LRRC4B: variants seen among roughly 807,000 people sequenced by gnomAD.
The protein encoded by LRRC4B is leucine rich repeat containing 4B.
In LRRC4B, 1 loss-of-function variant was observed where a neutral mutation model predicts 7.3. The observed-to-expected ratio is 0.14, with a 90% CI of 0.05 to 0.65. The LOEUF is 0.65. Among genes scored for constraint, LRRC4B ranks in the 30% least tolerant of loss-of-function variants. The pLI, the probability that LRRC4B is intolerant of heterozygous loss-of-function variation, is 0.84. For missense variants in LRRC4B, 730 were observed against 1,041.6 expected, an observed-to-expected ratio of 0.70 and a Z score of 4.12; for synonymous variants, 500 against 499.2, an observed-to-expected ratio of 1.00 and a Z score of -0.02.
chr19:50,517,885 C>T lies in LRRC4B; in HGVS notation c.1828G>A (p.Gly610Arg). The T allele has an allele frequency of 6.3e-7, 1 of 1,595,908 alleles. No homozygotes were observed. The highest frequency in any genetic ancestry group is 8.5e-7 in the Non-Finnish European group (1 of 1,174,058). ...ATGATCTCCACGGTGCGCGTGGGCC[C>T]GTGGTGCTTGTGGAGCTGGTGCTGC... ...RKQHQLHKHH[G>R]PTRTVEIINV... Residue 610 changes from glycine (G) to arginine (R), a missense_variant, in exon 3 of 3, where the codon GGG becomes AGG. Coordinates refer to ENST00000652263, the MANE Select transcript of LRRC4B (RefSeq NM_001080457.2). The surrounding 1 kb of genome is among the most constrained non-coding windows in gnomAD (Gnocchi z 6.6).
At position 50,532,949 on chromosome 19, in the gene LRRC4B, CT is replaced by C. The variant is rs199719973; in HGVS notation, c.298-13535del. ...TCATGTTGACATCAATATGACAGAA[CT>C]TGGGAACGGAAAAGCATTGGTGTTC... On this transcript the variant is annotated intron_variant, in intron 2 of 2. Coordinates refer to ENST00000652263, the MANE Select transcript of LRRC4B (RefSeq NM_001080457.2). 2.4e-4 allele frequency among the ~76,000 whole-genome samples: 36 copies of C among 152,298 alleles called. No homozygotes were observed. In the East Asian group the frequency reaches 4.4e-3, roughly 19 times the overall value.
In LRRC4B at chr19:50,519,237, T is replaced by C. The variant is rs572323014; in HGVS notation, c.476A>G (p.Lys159Arg). The change falls in exon 3 of 3, where the codon AAG (lysine) becomes AGG (arginine). Residue 159 changes from lysine (K) to arginine (R), a missense_variant. This residue lies in a region of LRRC4B where 226 missense variants were observed against 448.0 expected (regional missense o/e 0.50). Transcript: ENST00000652263. This position sits in a 1 kb window ranked among gnomAD's most constrained non-coding sequence, Gnocchi z 8.1. ...GTTCCGCAGCCAGAGCTCCCGCAGC[T>C]TGGACAGGTACTCGAAGGCCTGCGT... ...VPTQAFEYLS[K>R]LRELWLRNNP... 6.2e-7 allele frequency: 1 copy of C among 1,614,086 alleles called. No individual in the cohort carries two copies. The highest frequency in any genetic ancestry group is 1.1e-5 in the South Asian group (1 of 91,082).
chr19:50,532,475 G>A (rs1167082347), intron 2 of LRRC4B, among the ~76,000 whole-genome samples: 3 of 152,324 alleles, frequency 2.0e-5, no homozygotes, highest in African/African-American at 7.2e-5. Flanking sequence ...GTAGGGAGAA[G>A]AGAGATGCAT....
intron 1 of LRRC4B, among the ~76,000 whole-genome samples, chr19:50,560,214 G>A (rs1429442117): frequency 6.6e-6 from 1 of 152,122 alleles, no homozygotes; most frequent in Non-Finnish European, 1.5e-5. Context: ...TGTTTCCCAG[G>A]GGATGCAGGT....
chr19:50,531,371 G>A (rs1054020457), intron 2 of LRRC4B, among the ~76,000 whole-genome samples: 2 of 152,324 alleles, frequency 1.3e-5, no homozygotes, highest in South Asian at 4.1e-4. Flanking sequence ...ACAGAGGACC[G>A]TGACAACAGC....
intron 1 of LRRC4B, among the ~76,000 whole-genome samples, chr19:50,558,774 G>C (rs568199792): frequency 6.6e-6 from 1 of 152,350 alleles, no homozygotes; most frequent in South Asian, 2.1e-4. Context: ...ATCCTGCTTG[G>C]AACTGCTTCT....
chr19:50,517,275 A>G lies in LRRC4B; in HGVS notation c.*296T>C, dbSNP rs1477307714. 4.0e-6 allele frequency: 1 copy of G among 251,054 alleles called. No homozygotes were observed. The highest frequency in any genetic ancestry group is 6.6e-5 in the East Asian group (1 of 15,228). 15.6% of individuals were successfully genotyped at this position (251,054 alleles called of 1,614,324 possible). On this transcript the variant is annotated 3_prime_UTR_variant, in exon 3 of 3. Transcript: ENST00000652263. This position sits in a 1 kb window ranked among gnomAD's most constrained non-coding sequence, Gnocchi z 6.6. ...GCGGGCCCGGAACGCTTGGTGGGAG[A>G]GCGAGGAGGAAACGCGGAGAACTCA...
Position 50,517,890 on chromosome 19 carries a change from T to C in LRRC4B, c.1823A>G (p.His608Arg). The change falls in exon 3 of 3, where the codon CAC (histidine) becomes CGC (arginine). Residue 608 changes from histidine (H) to arginine (R), a missense_variant. His to Arg is a conservative substitution (Grantham distance 29). Around this residue, in one of 6 missense-constraint regions of LRRC4B, gnomAD observed 160 missense variants for 163.9 expected, o/e 0.98. Coordinates refer to ENST00000652263, the MANE Select transcript of LRRC4B (RefSeq NM_001080457.2). This position sits in a 1 kb window ranked among gnomAD's most constrained non-coding sequence, Gnocchi z 6.6. Reference protein sequence around the residue: ...KLRKQHQLHKHHGPTRTVEII... With the variant: ...KLRKQHQLHKRHGPTRTVEII... The stretch of plus-strand genomic sequence containing the variant: ...CTCCACGGTGCGCGTGGGCCCGTGG[T>C]GCTTGTGGAGCTGGTGCTGCTTGCG... The C allele has an allele frequency of 6.3e-7, 1 of 1,594,932 alleles. No individual in the cohort carries two copies. The highest frequency in any genetic ancestry group is 1.1e-5 in the South Asian group (1 of 88,486).
intron 1 of LRRC4B, among the ~76,000 whole-genome samples, chr19:50,559,310 C>G (rs1982388878): frequency 6.6e-6 from 1 of 152,076 alleles, no homozygotes; most frequent in Non-Finnish European, 1.5e-5. Context: ...GGCGGGCGTC[C>G]ATAATCCCAG....
At chr19:50,536,624 T>C (rs958072276) in intron 2 of LRRC4B, among the ~76,000 whole-genome samples, 1 of 152,172 alleles carries the variant, frequency 6.6e-6, no homozygotes, top group Non-Finnish European at 1.5e-5. Flanking sequence ...GGACAGCCCA[T>C]GCAGGGAGAA....
chr19:50,546,878 T>C (rs1323151807), intron 2 of LRRC4B, among the ~76,000 whole-genome samples: 1 of 152,188 alleles, frequency 6.6e-6, no homozygotes, highest in Non-Finnish European at 1.5e-5. Flanking sequence ...TTCCCTGGCG[T>C]GCCGTCCCAG....
At chr19:50,523,463 A>T (rs1980668573) in intron 2 of LRRC4B, among the ~76,000 whole-genome samples, 1 of 124,002 alleles carries the variant, frequency 8.1e-6, no homozygotes, top group Non-Finnish European at 1.6e-5. Context: ...AGATCAGTTG[A>T]GGTTGGGAGT....
In LRRC4B at chr19:50,567,041, TAG is replaced by T. The variant is rs1982650409; in HGVS notation, c.-36+901_-36+902del. Among the ~76,000 whole-genome samples, 3 of 147,980 alleles carry T rather than the reference TAG, an allele frequency of 2.0e-5. No individual in the cohort carries two copies. In the South Asian group the frequency reaches 6.5e-4, roughly 32 times the overall value. On this transcript the variant is annotated intron_variant, in intron 1 of 2. Coordinates refer to ENST00000652263, the MANE Select transcript of LRRC4B (RefSeq NM_001080457.2). Reference sequence around the variant, plus strand: ...CTGGGGGATTGTCAGAGATGGGGGTTAGAGAAGGCTGAGGAGCAGATGCCGTG... The same window carrying T: ...CTGGGGGATTGTCAGAGATGGGGGTTAGAAGGCTGAGGAGCAGATGCCGTG...
intron 2 of LRRC4B, among the ~76,000 whole-genome samples, chr19:50,527,804 C>G (rs1166545213): frequency 6.7e-6 from 1 of 148,608 alleles, no homozygotes; most frequent in Non-Finnish European, 1.5e-5. Flanking sequence ...TGCGGTGGCA[C>G]GATCTCAGCT....
intron 2 of LRRC4B, among the ~76,000 whole-genome samples, chr19:50,528,383 C>T (rs1263521279): frequency 2.6e-5 from 4 of 151,618 alleles, no homozygotes; most frequent in African/African-American, 7.3e-5. Context: ...TTCACTCTGT[C>T]GCCCAGGCTG....
intron 2 of LRRC4B, among the ~76,000 whole-genome samples, chr19:50,535,313 C>T (rs1251380298): frequency 6.6e-6 from 1 of 152,134 alleles, no homozygotes; most frequent in Non-Finnish European, 1.5e-5. Flanking sequence ...GCTGGGATTG[C>T]AGGTGCAAAC....
rs772751476 is a variant in LRRC4B, at chr19:50,518,507, G to A, written c.1206C>T (p.Thr402=). Residue 402 remains threonine, a synonymous_variant, in exon 3 of 3, where the codon ACC becomes ACT. Transcript: ENST00000652263. The part of the protein sequence containing the change: ...TSVNWLTPNG[T]LMTHGSYRVR... ...CGCGGTAGGAGCCGTGGGTCATGAG[G>A]GTGCCGTTGGGCGTCAGCCAGTTGA... is the stretch of plus-strand genomic sequence containing the variant. 1 of 1,566,378 alleles carries A rather than the reference G, an allele frequency of 6.4e-7. No homozygotes were observed. Among genetic ancestry groups the A allele is most frequent in the African/African-American group, 1.4e-5 (1 of 74,050 alleles).
rs763847674 is a variant in LRRC4B at position 50,548,582 on chromosome 19, A to G, written c.257T>C (p.Val86Ala). Reference protein sequence around the residue: ...DLAEVPASIPVNTRYLNLQEN... With the variant: ...DLAEVPASIPANTRYLNLQEN... The stretch of plus-strand genomic sequence containing the variant: ...TTGCAGGTTCAGGTACCGCGTGTTG[A>G]CCGGGATGCTGGCTGGGACCTCGGC... The change falls in exon 2 of 3, where the codon GTC (valine) becomes GCC (alanine). Residue 86 changes from valine to alanine, a missense_variant. Val to Ala is a moderately conservative substitution (Grantham distance 64). This residue lies in a region of LRRC4B where 143 missense variants were observed against 158.4 expected (regional missense o/e 0.90). Transcript: ENST00000652263. This position sits in a 1 kb window ranked among gnomAD's most constrained non-coding sequence, Gnocchi z 6.8. 71 of 1,602,800 alleles carry G rather than the reference A, an allele frequency of 4.4e-5. No individual in the cohort carries two copies. The highest frequency in any genetic ancestry group is 6.0e-5 in the Non-Finnish European group (71 of 1,178,514).
rs765666962 is a variant in LRRC4B at position 50,518,840 on chromosome 19, C to T, written c.873G>A (p.Ser291=). The T allele has an allele frequency of 5.1e-5, 82 of 1,614,018 alleles. No homozygotes were observed. The South Asian group carries it at 8.1e-4, about 16-fold the overall frequency. Reference sequence around the variant, plus strand: ...GGGGCGTGAAGAGGTCGTGGGGCAGCGACATCAGGTTGTTGTGGGACAGGT... The same window carrying T: ...GGGGCGTGAAGAGGTCGTGGGGCAGTGACATCAGGTTGTTGTGGGACAGGT... ...ELNLSHNNLM[S]LPHDLFTPLH... is the part of the protein sequence containing the mutation. Residue 291 remains serine, a synonymous_variant, in exon 3 of 3, where the codon TCG becomes TCA. Coordinates refer to ENST00000652263, the MANE Select transcript of LRRC4B (RefSeq NM_001080457.2).
Sources: gnomAD v4.1 joint callset for allele counts (sites outside exome capture counted in the v4.1 genomes callset) on GRCh38, gnomAD v4.1.1 for gene constraint, gnomAD v4.1.1 regional missense constraint, Gnocchi (gnomAD v3.1) non-coding constraint, MANE v1.5 for transcripts, NCBI Gene and HGNC (gene_info 2026-07-23, HGNC 2026-07-21) for gene names.